The following XKR4 variants were observed in gnomAD, a reference collection of about 807,000 sequenced individuals.
XKR4 encodes XK related 4.
A neutral mutation model predicts 53.9 loss-of-function variants in XKR4; 12 were observed. The ratio of observed to expected loss-of-function variants is 0.22; its 90% confidence interval spans 0.14 to 0.36. XKR4 has a LOEUF of 0.36. XKR4 is among the 10% of genes least tolerant of loss of function. The pLI, the probability that XKR4 is intolerant of heterozygous loss-of-function variation, is 1.00. For missense variants in XKR4, 799 were observed against 859.5 expected, an observed-to-expected ratio of 0.93 and a Z score of 0.88; for synonymous variants, 354 against 362.4, an observed-to-expected ratio of 0.98 and a Z score of 0.26.
At chr8:55,396,139 T>G (rs1024020257) in intron 2 of XKR4, among the ~76,000 whole-genome samples, 1 of 152,188 alleles carries the variant, frequency 6.6e-6, no homozygotes, top group Non-Finnish European at 1.5e-5. Context: ...AAGGACACAT[T>G]CAGTTCATAA....
chr8:55,210,061 A>G (rs922544884), intron 1 of XKR4, among the ~76,000 whole-genome samples: 6 of 148,880 alleles, frequency 4.0e-5, no homozygotes, highest in Non-Finnish European at 5.9e-5. Context: ...CATCTTTTCT[A>G]GAGTTTTATG....
intron 1 of XKR4, among the ~76,000 whole-genome samples, chr8:55,130,511 GCCAA>G (rs762244085): frequency 9.9e-5 from 15 of 152,226 alleles, no homozygotes; most frequent in Non-Finnish European, 1.8e-4. Context: ...AGTCTTGTCA[GCCAA>G]GGTGAGGACT....
intron 1 of XKR4, among the ~76,000 whole-genome samples, chr8:55,244,906 T>C (rs1279633687): frequency 6.7e-6 from 1 of 149,842 alleles, no homozygotes; most frequent in Admixed American, 6.6e-5. Context: ...CATTTTTTTT[T>C]TTTTTTTTTT....
chr8:55,479,569 TAG>T (rs1246076176), intron 2 of XKR4, among the ~76,000 whole-genome samples: 19 of 151,462 alleles, frequency 1.3e-4, no homozygotes, highest in Non-Finnish European at 5.9e-5. Flanking sequence ...CTGAAGGAAA[TAG>T]AGACACAAAA....
intron 2 of XKR4, among the ~76,000 whole-genome samples, chr8:55,385,020 T>G (rs1804289060): frequency 6.6e-6 from 1 of 152,174 alleles, no homozygotes. Context: ...GCCTCTTTTT[T>G]TCAAAGTAGG....
chr8:55,191,506 C>A (rs1361349584), intron 1 of XKR4, among the ~76,000 whole-genome samples: 1 of 152,126 alleles, frequency 6.6e-6, no homozygotes, highest in African/African-American at 2.4e-5. Flanking sequence ...CTCTAATGAT[C>A]TTCCCACTCT....
chr8:55,155,190 C>T (rs1177182942), intron 1 of XKR4, among the ~76,000 whole-genome samples: 2 of 152,184 alleles, frequency 1.3e-5, no homozygotes, highest in African/African-American at 4.8e-5. Context: ...GCGCGCTGAT[C>T]TCCAAGATCC....
At chr8:55,282,274 A>C (rs1818854756) in intron 1 of XKR4, among the ~76,000 whole-genome samples, 1 of 152,236 alleles carries the variant, frequency 6.6e-6, no homozygotes, top group Non-Finnish European at 1.5e-5. Context: ...CATCATGGCC[A>C]TCATATGGTC....
chr8:55,400,926 A>G (rs1585556562), intron 2 of XKR4, among the ~76,000 whole-genome samples: 1 of 152,198 alleles, frequency 6.6e-6, no homozygotes, highest in African/African-American at 2.4e-5. Flanking sequence ...TTGAGTTCAC[A>G]TCTTAAAGGC....
chr8:55,454,945 A>G, intron 2 of XKR4: 3 of 843,724 alleles, frequency 3.6e-6, no homozygotes, highest in Non-Finnish European at 6.2e-6. Flanking sequence ...CGGTGAGGAC[A>G]GCAACAAAGA....
At chr8:55,210,575 G>C (rs1230094657) in intron 1 of XKR4, among the ~76,000 whole-genome samples, 4 of 152,172 alleles carry the variant, frequency 2.6e-5, no homozygotes, top group Non-Finnish European at 5.9e-5. Flanking sequence ...ATAAAAAGAA[G>C]AAAAACTATT....
At chr8:55,321,359 A>G (rs556883803) in intron 1 of XKR4, among the ~76,000 whole-genome samples, 1 of 152,220 alleles carries the variant, frequency 6.6e-6, no homozygotes, top group African/African-American at 2.4e-5. Flanking sequence ...TGAATTACTG[A>G]AAGTGTTGTC....
intron 2 of XKR4, chr8:55,451,818 C>A (rs1284776411): frequency 3.1e-6 from 3 of 968,172 alleles, no homozygotes; most frequent in East Asian, 2.5e-5. Flanking sequence ...CCCTTTCCAC[C>A]AGGAGGCTGC....
intron 1 of XKR4, among the ~76,000 whole-genome samples, chr8:55,105,761 T>G (rs1465118815): frequency 6.6e-6 from 1 of 152,140 alleles, no homozygotes; most frequent in East Asian, 1.9e-4. Context: ...ATGAAGTATA[T>G]TTTTCAAAAA....
At chr8:55,267,977 G>C (rs927345283) in intron 1 of XKR4, among the ~76,000 whole-genome samples, 1 of 152,158 alleles carries the variant, frequency 6.6e-6, no homozygotes. Flanking sequence ...AGAAAAACAA[G>C]TTCTGGCTAA....
chr8:55,326,365 G>A (rs1803292715), intron 1 of XKR4, among the ~76,000 whole-genome samples: 1 of 151,964 alleles, frequency 6.6e-6, no homozygotes, highest in East Asian at 1.9e-4. Context: ...TGCAGATGAA[G>A]AGTTTCAAAG....
At chr8:55,180,312 A>G (rs2129359616) in intron 1 of XKR4, among the ~76,000 whole-genome samples, 1 of 152,348 alleles carries the variant, frequency 6.6e-6, no homozygotes, top group South Asian at 2.1e-4. Context: ...TTGGATGGAT[A>G]TGCAGCTGCT....
chr8:55,407,543 A>G (rs763421329), intron 2 of XKR4, among the ~76,000 whole-genome samples: 1 of 152,196 alleles, frequency 6.6e-6, no homozygotes, highest in African/African-American at 2.4e-5. Flanking sequence ...AGCTCCATGC[A>G]GTGAGCAGAG....
chr8:55,339,405 A>G (rs1311892441), intron 1 of XKR4, among the ~76,000 whole-genome samples: 2 of 152,230 alleles, frequency 1.3e-5, no homozygotes, highest in Non-Finnish European at 2.9e-5. Flanking sequence ...CCAATTAAGC[A>G]CATATTTTAG....
Sources: gnomAD v4.1 joint callset for allele counts (sites outside exome capture counted in the v4.1 genomes callset) on GRCh38, gnomAD v4.1.1 for gene constraint, MANE v1.5 for transcripts, NCBI Gene and HGNC (gene_info 2026-07-23, HGNC 2026-07-21) for gene names.